Variants in SLC8A1 observed in about 807,000 individuals in gnomAD.
The protein encoded by SLC8A1 is solute carrier family 8 member A1.
SLC8A1 carries 18 observed loss-of-function variants against 68.3 expected under a neutral mutation model. That is an observed-to-expected ratio of 0.26 (90% CI 0.18 to 0.39). The LOEUF is 0.39. Ranked by LOEUF, SLC8A1 falls within the 10% of genes least tolerant of loss-of-function variation. SLC8A1 has a pLI of 1.00. For missense variants in SLC8A1, 985 were observed against 1,156.7 expected (o/e 0.85, Z 2.15); for synonymous variants, 475 against 415.5 (o/e 1.14, Z -1.74).
At position 40,200,222 on chromosome 2, in the gene SLC8A1, T is replaced by TAAA. The variant is rs1558722368; in HGVS notation, c.1809-22368_1809-22367insTTT. 2.1e-3 allele frequency among the ~76,000 whole-genome samples: 11 copies of TAAA among 5,174 alleles called. 1 individual carries two copies. The highest frequency in any genetic ancestry group is 5.1e-3 in the African/African-American group (11 of 2,150). 3.4% of individuals were successfully genotyped at this position (5,174 alleles called of 152,430 possible). A position where few individuals can be genotyped will look rare whatever the true frequency, so the allele number is the denominator to read the frequency against. On this transcript the variant is annotated intron_variant, in intron 2 of 7. Coordinates refer to ENST00000406785, the Ensembl canonical transcript of SLC8A1. ...TATATATATAAATATATATATATTT[T>TAAA]TTTATATATATATATAAATATATAT...
intron 1 of SLC8A1, among the ~76,000 whole-genome samples, chr2:40,464,017 C>T (rs1201526122): frequency 2.0e-5 from 3 of 152,064 alleles, no homozygotes; most frequent in African/African-American, 4.8e-5. Flanking sequence ...GTCTCAGCCT[C>T]CTGAGTAGCT....
chr2:40,494,795 G>A (rs1350931583), intron 1 of SLC8A1, among the ~76,000 whole-genome samples: 2 of 150,856 alleles, frequency 1.3e-5, no homozygotes, highest in Non-Finnish European at 2.9e-5. Context: ...GGCAGAGCTG[G>A]CATTTGAAGC....
At chr2:40,136,190 G>T (rs570867304) in intron 7 of SLC8A1, among the ~76,000 whole-genome samples, 21 of 152,292 alleles carry the variant, frequency 1.4e-4, no homozygotes, top group African/African-American at 5.1e-4. Flanking sequence ...GAAAAATGGT[G>T]ATTTGGGAAG....
intron 2 of SLC8A1, among the ~76,000 whole-genome samples, chr2:40,346,558 C>A (rs1480179203): frequency 1.3e-5 from 2 of 152,006 alleles, no homozygotes; most frequent in African/African-American, 4.8e-5. Flanking sequence ...AGACAGCAAG[C>A]CTAAGTCAAG....
chr2:40,345,356 C>T (rs1432081627), intron 2 of SLC8A1, among the ~76,000 whole-genome samples: 1 of 151,926 alleles, frequency 6.6e-6, no homozygotes, highest in Non-Finnish European at 1.5e-5. Flanking sequence ...CATTTATTTG[C>T]AAAGAAAATT....
chr2:40,130,638 T>C (rs2039136501), intron 7 of SLC8A1, among the ~76,000 whole-genome samples: 1 of 152,248 alleles, frequency 6.6e-6, no homozygotes, highest in Non-Finnish European at 1.5e-5. Context: ...AAACAAAATA[T>C]ACTTGCCCTT....
intron 1 of SLC8A1, among the ~76,000 whole-genome samples, chr2:40,449,148 TAAAA>T (rs563163544): frequency 4.6e-4 from 59 of 129,626 alleles, no homozygotes; most frequent in African/African-American, 1.5e-3. Flanking sequence ...ATTGCAACAT[TAAAA>T]AAAAAAAACA....
At chr2:40,200,340 C>T (rs374361756) in intron 2 of SLC8A1, among the ~76,000 whole-genome samples, 3 of 134,832 alleles carry the variant, frequency 2.2e-5, no homozygotes, top group Admixed American at 8.1e-5. Flanking sequence ...TGAGAGCTAG[C>T]GATTTCATTG....
intron 1 of SLC8A1, among the ~76,000 whole-genome samples, chr2:40,466,961 A>T (rs1703709669): frequency 9.8e-6 from 1 of 101,900 alleles, no homozygotes; most frequent in Non-Finnish European, 2.0e-5. Flanking sequence ...ACCTTACAGG[A>T]ATGAGTTATC....
chr2:40,448,432 C>A (rs1278416306), intron 1 of SLC8A1, among the ~76,000 whole-genome samples: 1 of 152,170 alleles, frequency 6.6e-6, no homozygotes, highest in East Asian at 1.9e-4. Flanking sequence ...AGAATCTAGT[C>A]CATCCCAATG....
At chr2:40,368,950 CTCAA>C (rs886607602) in intron 2 of SLC8A1, among the ~76,000 whole-genome samples, 4 of 18,014 alleles carry the variant, frequency 2.2e-4, no homozygotes, top group African/African-American at 9.0e-4. Flanking sequence ...TAATTCCTTA[CTCAA>C]TCAATTGTGC....
At chr2:40,170,819 A>G (rs1218564751) in intron 4 of SLC8A1, among the ~76,000 whole-genome samples, 1 of 152,208 alleles carries the variant, frequency 6.6e-6, no homozygotes, top group Admixed American at 6.5e-5. Flanking sequence ...TGGGAAGCCT[A>G]TTAGTGCCAA....
In SLC8A1 at chr2:40,301,633, G is replaced by A. The variant is rs558118904; in HGVS notation, c.1809-123778C>T. ...AGTGAGGGATAAAAGACTACAAATT[G>A]GGGCTGGGTGCGGTGGCTTACGCCT... On this transcript the variant is annotated intron_variant, in intron 2 of 7. Coordinates refer to ENST00000406785, the Ensembl canonical transcript of SLC8A1. Among the ~76,000 whole-genome samples the A allele has an allele frequency of 3.9e-5, 6 of 152,296 alleles. No individual in the cohort carries two copies. In the East Asian group the frequency reaches 9.7e-4, roughly 25 times the overall value.
chr2:40,215,359 C>T (rs1031691606), intron 2 of SLC8A1, among the ~76,000 whole-genome samples: 18 of 152,036 alleles, frequency 1.2e-4, no homozygotes, highest in Non-Finnish European at 1.6e-4. Context: ...ATGTAGAGGC[C>T]GGGCGCAGTG....
intron 1 of SLC8A1, among the ~76,000 whole-genome samples, chr2:40,479,488 C>G (rs1704496759): frequency 6.6e-6 from 1 of 152,120 alleles, no homozygotes. Context: ...ATATCTTGGT[C>G]ATCTGGTTGG....
intron 2 of SLC8A1, among the ~76,000 whole-genome samples, chr2:40,319,824 A>T (rs991796954): frequency 5.9e-5 from 9 of 152,056 alleles, no homozygotes; most frequent in African/African-American, 2.2e-4. Flanking sequence ...TTTCTTATCA[A>T]TTTCTTAAAT....
intron 2 of SLC8A1, among the ~76,000 whole-genome samples, chr2:40,324,414 C>G (rs2075578462): frequency 6.6e-6 from 1 of 152,116 alleles, no homozygotes; most frequent in Non-Finnish European, 1.5e-5. Context: ...ACCAACATGG[C>G]AAGATTATTT....
intron 4 of SLC8A1, among the ~76,000 whole-genome samples, chr2:40,171,840 C>A (rs924574104): frequency 7.9e-5 from 12 of 152,174 alleles, no homozygotes; most frequent in Non-Finnish European, 1.6e-4. Flanking sequence ...AGATCATAGG[C>A]CCAAACAAGG....
At chr2:40,270,615 A>G (rs552988902) in intron 2 of SLC8A1, among the ~76,000 whole-genome samples, 2 of 152,342 alleles carry the variant, frequency 1.3e-5, no homozygotes, top group South Asian at 2.1e-4. Flanking sequence ...TCTGCTTTTA[A>G]GGACCCATGT....
Sources: gnomAD v4.1 joint callset for allele counts (sites outside exome capture counted in the v4.1 genomes callset) on GRCh38, gnomAD v4.1.1 for gene constraint, MANE v1.5 for transcripts, NCBI Gene and HGNC (gene_info 2026-07-23, HGNC 2026-07-21) for gene names.